The following PDE10A variants were observed in gnomAD, a reference collection of about 807,000 sequenced individuals.
PDE10A encodes the protein cAMP and cAMP-inhibited cGMP 3',5'-cyclic phosphodiesterase 10A.
In PDE10A, 39 loss-of-function variants were observed where a neutral mutation model predicts 97.7. That is an observed-to-expected ratio of 0.40 (90% CI 0.31 to 0.52). The LOEUF (loss-of-function observed/expected upper bound fraction) is 0.52, where lower values mean the gene tolerates loss of function less well. Among genes scored for constraint, PDE10A ranks in the 20% least tolerant of loss-of-function variants. The pLI, the probability that PDE10A is intolerant of heterozygous loss-of-function variation, is 0.56. For missense variants in PDE10A, 731 were observed against 1,047.8 expected (o/e 0.70, Z 4.17); for synonymous variants, 371 against 376.8 (o/e 0.98, Z 0.18).
intron 1 of PDE10A, chr6:165,947,045 CA>C (rs1260648581): frequency 6.6e-6 from 1 of 152,186 alleles, no homozygotes; most frequent in Non-Finnish European, 1.5e-5. Context: ...AGGATCCAGT[CA>C]AGGCCCATTC....
intron 2 of PDE10A, among the ~76,000 whole-genome samples, chr6:165,503,146 T>C (rs1352096737): frequency 2.0e-5 from 3 of 152,098 alleles, no homozygotes; most frequent in Non-Finnish European, 4.4e-5. Context: ...GTCTAGGGTG[T>C]ACTCCTGGAT....
chr6:165,915,187 T>C (rs1322818985), intron 1 of PDE10A, among the ~76,000 whole-genome samples: 1 of 152,066 alleles, frequency 6.6e-6, no homozygotes, highest in Non-Finnish European at 1.5e-5. Flanking sequence ...TGTGTACAAC[T>C]AGAAGTGTGG....
chr6:165,563,261 A>AG, intron 1 of PDE10A, among the ~76,000 whole-genome samples: 1 of 147,418 alleles, frequency 6.8e-6, no homozygotes, highest in African/African-American at 2.5e-5. Context: ...GGAGGGAGGG[A>AG]GGAAGGAGGG....
chr6:165,364,713 G>C (rs758208205), intron 18 of PDE10A, among the ~76,000 whole-genome samples: 1 of 151,960 alleles, frequency 6.6e-6, no homozygotes, highest in African/African-American at 2.4e-5. Flanking sequence ...GTCTTGGCCA[G>C]GAAGAAAATA....
At chr6:165,843,756 G>A (rs1213525891) in intron 1 of PDE10A, among the ~76,000 whole-genome samples, 1 of 152,198 alleles carries the variant, frequency 6.6e-6, no homozygotes, top group Non-Finnish European at 1.5e-5. Context: ...GGCGCGACAG[G>A]TGCAGAGAAA....
At chr6:165,607,946 C>T (rs1050240578) in intron 1 of PDE10A, among the ~76,000 whole-genome samples, 1 of 151,878 alleles carries the variant, frequency 6.6e-6, no homozygotes, top group South Asian at 2.1e-4. Flanking sequence ...AGAAGGGGAA[C>T]GACCCACATG....
intron 1 of PDE10A, among the ~76,000 whole-genome samples, chr6:165,918,880 C>A (rs750411911): frequency 6.6e-6 from 1 of 151,984 alleles, no homozygotes; most frequent in Non-Finnish European, 1.5e-5. Flanking sequence ...GATGTGTTTG[C>A]GACCTGTTGA....
chr6:165,875,402 T>A (rs966950442), intron 1 of PDE10A, among the ~76,000 whole-genome samples: 14 of 152,244 alleles, frequency 9.2e-5, no homozygotes, highest in African/African-American at 3.4e-4. Flanking sequence ...ATACCGTAGG[T>A]GTGCAATAGT....
At chr6:165,943,554 C>T (rs919053510) in intron 1 of PDE10A, among the ~76,000 whole-genome samples, 5 of 152,106 alleles carry the variant, frequency 3.3e-5, no homozygotes, top group African/African-American at 1.2e-4. Flanking sequence ...AGTACAGAGT[C>T]CAAAGGTCTG....
chr6:165,559,745 G>T (rs1022435012), intron 1 of PDE10A, among the ~76,000 whole-genome samples: 8 of 152,126 alleles, frequency 5.3e-5, no homozygotes, highest in African/African-American at 1.9e-4. Context: ...GAGGGACCTG[G>T]TGGGAGATAA....
intron 1 of PDE10A, among the ~76,000 whole-genome samples, chr6:165,612,430 G>A (rs563112028): frequency 1.1e-4 from 17 of 151,822 alleles, no homozygotes; most frequent in Non-Finnish European, 2.2e-4. Flanking sequence ...AGGCTGGAGC[G>A]CAGTGGCACA....
Position 165,377,943 on chromosome 6 carries a change from A to G in PDE10A, c.2783+1251T>C, listed in dbSNP as rs1234454667. On this transcript the variant is annotated intron_variant, in intron 18 of 21. Coordinates refer to ENST00000539869, the MANE Select transcript of PDE10A (RefSeq NM_001385079.1). ...AGGAAGAGGCCCTGGCAATGTCCTC[A>G]GACTGCCATGTGTGAAAATAAGATA... is the stretch of plus-strand genomic sequence containing the variant. Among the ~76,000 whole-genome samples the G allele has an allele frequency of 3.3e-5, 5 of 152,216 alleles. No individual in the cohort carries two copies. In the East Asian group the frequency reaches 9.6e-4, roughly 29 times the overall value.
chr6:165,627,063 T>A (rs556119868), intron 1 of PDE10A, among the ~76,000 whole-genome samples: 3 of 152,242 alleles, frequency 2.0e-5, no homozygotes, highest in Non-Finnish European at 4.4e-5. Context: ...ACAGGCAGGA[T>A]TGCAAGTCCA....
intron 1 of PDE10A, among the ~76,000 whole-genome samples, chr6:165,818,638 A>G (rs1257788941): frequency 2.6e-5 from 4 of 152,258 alleles, no homozygotes; most frequent in African/African-American, 9.6e-5. Flanking sequence ...AATACTTAAA[A>G]TACAAGCAAG....
intron 1 of PDE10A, among the ~76,000 whole-genome samples, chr6:165,876,785 C>G (rs1322633043): frequency 1.3e-5 from 2 of 152,164 alleles, no homozygotes; most frequent in Non-Finnish European, 2.9e-5. Context: ...TGTTTGGAGA[C>G]TAAACTTGGT....
At chr6:165,373,529 A>T (rs62442142) in intron 18 of PDE10A, among the ~76,000 whole-genome samples, 1 of 152,010 alleles carries the variant, frequency 6.6e-6, no homozygotes, top group East Asian at 1.9e-4. Flanking sequence ...AACCACAATG[A>T]GATACCATCT....
intron 1 of PDE10A, among the ~76,000 whole-genome samples, chr6:165,958,791 C>G (rs1235088461): frequency 6.7e-6 from 1 of 149,502 alleles, no homozygotes; most frequent in African/African-American, 2.5e-5. Context: ...CCATGCCTCC[C>G]GACTCATGTC....
chr6:165,394,775 T>C (rs1461921299), intron 15 of PDE10A, among the ~76,000 whole-genome samples: 2 of 152,204 alleles, frequency 1.3e-5, no homozygotes, highest in Non-Finnish European at 2.9e-5. Flanking sequence ...TGGCGTGAGA[T>C]GGTGTCTCAT....
chr6:165,816,978 C>T (rs1030167585), intron 1 of PDE10A, among the ~76,000 whole-genome samples: 6 of 152,076 alleles, frequency 3.9e-5, no homozygotes, highest in African/African-American at 7.2e-5. Flanking sequence ...AGAATCCTTC[C>T]GGGTGCAAAG....
Sources: allele counts gnomAD v4.1 joint callset (sites outside exome capture counted in the v4.1 genomes callset), GRCh38; gene constraint gnomAD v4.1.1; transcripts MANE v1.5; gene names NCBI Gene and HGNC (gene_info 2026-07-23, HGNC 2026-07-21).